The following OTOP1 variants were observed in gnomAD, a reference collection of about 807,000 sequenced individuals.
OTOP1 encodes proton channel OTOP1.
In OTOP1, 59 loss-of-function variants were observed where a neutral mutation model predicts 52.9. That is an observed-to-expected ratio of 1.12 (90% CI 0.91 to 1.39). The LOEUF (loss-of-function observed/expected upper bound fraction) is 1.39, where lower values mean the gene tolerates loss of function less well. Among genes scored for constraint, OTOP1 ranks in the 40% most tolerant of loss-of-function variants. OTOP1 has a pLI of 0.00. For missense variants in OTOP1, 761 were observed against 800.9 expected, an observed-to-expected ratio of 0.95 and a Z score of 0.60; for synonymous variants, 317 against 337.7, an observed-to-expected ratio of 0.94 and a Z score of 0.67.
intron 2 of OTOP1, among the ~76,000 whole-genome samples, chr4:4,209,000 T>A (rs1716969798): frequency 6.6e-6 from 1 of 152,160 alleles, no homozygotes; most frequent in South Asian, 2.1e-4. Context: ...AGAGTTGTCA[T>A]CAGTTCATTG....
chr4:4,216,827 C>G (rs1427076202), intron 1 of OTOP1, among the ~76,000 whole-genome samples: 1 of 152,222 alleles, frequency 6.6e-6, no homozygotes, highest in East Asian at 1.9e-4. Flanking sequence ...ACTTCCTGCT[C>G]CCAGCCTCAG....
intron 1 of OTOP1, among the ~76,000 whole-genome samples, chr4:4,220,793 A>AC (rs1245649430): frequency 6.6e-6 from 1 of 151,588 alleles, no homozygotes; most frequent in Non-Finnish European, 1.5e-5. Context: ...GGCAGAGGGA[A>AC]CCCCCTCCTC....
At chr4:4,192,220 G>A (rs764575146) in intron 5 of OTOP1, among the ~76,000 whole-genome samples, 18 of 152,076 alleles carry the variant, frequency 1.2e-4, no homozygotes, top group Non-Finnish European at 2.6e-4. Flanking sequence ...TACGGAGTCC[G>A]ACCACCCTGA....
intron 5 of OTOP1, among the ~76,000 whole-genome samples, chr4:4,192,732 T>G (rs1716540659): frequency 6.6e-6 from 1 of 152,062 alleles, no homozygotes. Flanking sequence ...CTGTCACCCT[T>G]CGCGAGTTGC....
chr4:4,215,382 C>T (rs1399440395), intron 1 of OTOP1, among the ~76,000 whole-genome samples: 1 of 152,172 alleles, frequency 6.6e-6, no homozygotes, highest in Admixed American at 6.5e-5. Context: ...GTGCAGCTGG[C>T]TGGGTGCAGT....
intron 4 of OTOP1, among the ~76,000 whole-genome samples, chr4:4,198,527 A>G (rs192165749): frequency 8.5e-5 from 13 of 152,244 alleles, no homozygotes; most frequent in Non-Finnish European, 1.5e-4. Flanking sequence ...GCTTCCCTGT[A>G]TTTTCTAAGT....
chr4:4,220,606 C>T (rs1459137413), intron 1 of OTOP1, among the ~76,000 whole-genome samples: 1 of 152,132 alleles, frequency 6.6e-6, no homozygotes, highest in Admixed American at 6.5e-5. Context: ...TTGAGTGAGT[C>T]ATTACATGGA....
intron 1 of OTOP1, among the ~76,000 whole-genome samples, chr4:4,222,335 T>C (rs944448668): frequency 2.0e-5 from 3 of 152,150 alleles, no homozygotes; most frequent in Non-Finnish European, 4.4e-5. Flanking sequence ...AGACAGAGGA[T>C]GGCCTGGAGC....
intron 4 of OTOP1, among the ~76,000 whole-genome samples, chr4:4,201,801 A>G (rs1577178091): frequency 6.6e-6 from 1 of 152,228 alleles, no homozygotes; most frequent in Non-Finnish European, 1.5e-5. Context: ...CAGCTTGTAC[A>G]TGATGGGAAC....
At chr4:4,212,093 A>G (rs554115546) in intron 2 of OTOP1, among the ~76,000 whole-genome samples, 1 of 152,308 alleles carries the variant, frequency 6.6e-6, no homozygotes, top group East Asian at 1.9e-4. Flanking sequence ...TATATCTTAA[A>G]CATATACATA....
intron 1 of OTOP1, among the ~76,000 whole-genome samples, chr4:4,220,252 A>T (rs1387916654): frequency 1.3e-5 from 2 of 151,546 alleles, no homozygotes; most frequent in Admixed American, 6.6e-5. Flanking sequence ...AACTGCTGGT[A>T]ATAAAAAAAC....
intron 5 of OTOP1, among the ~76,000 whole-genome samples, chr4:4,190,354 A>G (rs1373164691): frequency 2.0e-5 from 3 of 152,148 alleles, no homozygotes; most frequent in Admixed American, 2.0e-4. Flanking sequence ...TGTGCCTGTA[A>G]TCCCAGCTAC....
intron 1 of OTOP1, among the ~76,000 whole-genome samples, chr4:4,219,322 G>A (rs1406481549): frequency 3.9e-5 from 6 of 152,086 alleles, no homozygotes; most frequent in African/African-American, 7.2e-5. Flanking sequence ...AGTCAGAATG[G>A]CAATATTAAT....
At chr4:4,223,578 CAGAAGG>C (rs929318699) in intron 1 of OTOP1, among the ~76,000 whole-genome samples, 10 of 152,086 alleles carry the variant, frequency 6.6e-5, no homozygotes, top group Admixed American at 6.5e-4. Flanking sequence ...GAAGGAGGAG[CAGAAGG>C]AGAAGGAGAA....
intron 1 of OTOP1, among the ~76,000 whole-genome samples, chr4:4,220,821 T>C (rs966474517): frequency 6.6e-6 from 1 of 152,038 alleles, no homozygotes; most frequent in African/African-American, 2.4e-5. Flanking sequence ...GGCACCCAAA[T>C]CCCTCCTAGG....
At chr4:4,202,630 A>G in intron 3 of OTOP1, 52 bp from the exon 4 acceptor site, 1 of 1,604,722 alleles carries the variant, frequency 6.2e-7, no homozygotes, top group Non-Finnish European at 8.5e-7. Context: ...AGCCTCAGGC[A>G]CCATGGGGTG....
At chr4:4,220,008 T>C (rs575514358) in intron 1 of OTOP1, among the ~76,000 whole-genome samples, 4 of 50,038 alleles carry the variant, frequency 8.0e-5, no homozygotes, top group African/African-American at 2.8e-4. Flanking sequence ...TATACATATA[T>C]ATGTATATAC....
chr4:4,211,131 G>GT lies in OTOP1; in HGVS notation c.540+1736dup, dbSNP rs1717017435. Among the ~76,000 whole-genome samples, 3 of 152,186 alleles carry GT rather than the reference G, an allele frequency of 2.0e-5. No individual in the cohort carries two copies. In the South Asian group the frequency reaches 6.2e-4, roughly 32 times the overall value. On this transcript the variant is annotated intron_variant, in intron 2 of 5. Transcript: ENST00000296358. ...GCATGTTCTGTCTGTTAGCTTCACT[G>GT]TTTGAGAATGTGTTTGATCTAGAGA...
At chr4:4,205,076 A>G (rs1202095586) in intron 3 of OTOP1, among the ~76,000 whole-genome samples, 1 of 152,044 alleles carries the variant, frequency 6.6e-6, no homozygotes, top group East Asian at 1.9e-4. Context: ...CCAGTCCTAC[A>G]TGGTGCTTTC....
Sources: allele counts gnomAD v4.1 joint callset (sites outside exome capture counted in the v4.1 genomes callset), GRCh38; gene constraint gnomAD v4.1.1; transcripts MANE v1.5; gene names NCBI Gene and HGNC (gene_info 2026-07-23, HGNC 2026-07-21).